The following ASIP variants were observed in gnomAD, a reference collection of about 807,000 sequenced individuals.
ASIP encodes the protein agouti signaling protein.
In ASIP, 11 loss-of-function variants were observed where a neutral mutation model predicts 10.3. The observed-to-expected ratio is 1.07, with a 90% CI of 0.68 to 1.78. ASIP has a LOEUF of 1.78. ASIP is among the 40% of genes most tolerant of loss of function. ASIP has a pLI of 0.00. For missense variants in ASIP, 180 were observed against 169.2 expected, an observed-to-expected ratio of 1.06 and a Z score of -0.35; for synonymous variants, 70 against 70.8, an observed-to-expected ratio of 0.99 and a Z score of 0.06.
intron 1 of ASIP, among the ~76,000 whole-genome samples, chr20:34,209,694 G>A (rs2034960626): frequency 6.6e-6 from 1 of 152,174 alleles, no homozygotes; most frequent in Non-Finnish European, 1.5e-5. Context: ...CTGCTGCCTT[G>A]GGCCCCTCTG....
At chr20:34,206,345 C>T (rs2034936793) in intron 1 of ASIP, among the ~76,000 whole-genome samples, 1 of 152,138 alleles carries the variant, frequency 6.6e-6, no homozygotes, top group South Asian at 2.1e-4. Context: ...ATATCTTCCT[C>T]CCTACTACCC....
chr20:34,259,421 G>A (rs985088581), intron 1 of ASIP, among the ~76,000 whole-genome samples: 9 of 151,892 alleles, frequency 5.9e-5, no homozygotes, highest in South Asian at 2.1e-4. Context: ...GCTGAGGCAC[G>A]AGAATCTCTT....
chr20:34,262,988 A>T, intron 3 of ASIP, 95 bp downstream of exon 3: 1 of 1,406,040 alleles, frequency 7.1e-7, no homozygotes, highest in South Asian at 1.2e-5. Flanking sequence ...ACTAAATGAA[A>T]GATTTTTCAG....
chr20:34,186,909 G>C, the ASIP span, among the ~76,000 whole-genome samples: 1 of 152,134 alleles, frequency 6.6e-6, no homozygotes, highest in Non-Finnish European at 1.5e-5. Flanking sequence ...CACCTCCTGG[G>C]TTCAAGCGAT....
intron 1 of ASIP, among the ~76,000 whole-genome samples, chr20:34,217,369 C>G (rs1001707543): frequency 1.3e-5 from 2 of 151,030 alleles, no homozygotes; most frequent in Admixed American, 1.3e-4. Flanking sequence ...ACCTGGGAGG[C>G]GCAGGTTGCA....
At chr20:34,239,776 C>T (rs887821261), upstream of ASIP, among the ~76,000 whole-genome samples, 6 of 152,152 alleles carry the variant, frequency 3.9e-5, no homozygotes, top group Non-Finnish European at 7.3e-5. Context: ...GAAATTGGTT[C>T]CTAGAAATAA....
intron 1 of ASIP, among the ~76,000 whole-genome samples, chr20:34,211,880 T>C (rs188057409): frequency 6.8e-4 from 104 of 152,322 alleles, no homozygotes; most frequent in Non-Finnish European, 1.2e-3. Context: ...AGGTGTACAT[T>C]TATCCTGCTT....
intron 1 of ASIP, among the ~76,000 whole-genome samples, chr20:34,244,719 T>G (rs185704302): frequency 6.6e-6 from 1 of 152,364 alleles, no homozygotes; most frequent in East Asian, 1.9e-4. Flanking sequence ...GCTTACTGTT[T>G]CAAACAGCGC....
chr20:34,217,210 G>A (rs2035014540), intron 1 of ASIP, among the ~76,000 whole-genome samples: 1 of 152,066 alleles, frequency 6.6e-6, no homozygotes, highest in Admixed American at 6.5e-5. Context: ...GGCCAAGGCA[G>A]GTGGATCACT....
chr20:34,218,807 C>T (rs1272099246), intron 1 of ASIP, among the ~76,000 whole-genome samples: 4 of 151,942 alleles, frequency 2.6e-5, no homozygotes, highest in African/African-American at 9.7e-5. Flanking sequence ...GGACTGCAGG[C>T]GCCCGCCACC....
At position 34,253,163 on chromosome 20, in the gene ASIP, A is replaced by G. The variant is rs140152434; in HGVS notation, c.-10-7202A>G. On this transcript the variant is annotated intron_variant, in intron 1 of 3. Transcript: ENST00000374954. Reference sequence around the variant, plus strand: ...CGCTCTGTTGCCCAGGCTGGAGTGCAGTGGCTCACTCAGCTCACTGCAAGC... The same window carrying G: ...CGCTCTGTTGCCCAGGCTGGAGTGCGGTGGCTCACTCAGCTCACTGCAAGC... Among the ~76,000 whole-genome samples the G allele has an allele frequency of 1.1e-3, 161 of 150,760 alleles. 1 individual carries two copies. The highest frequency in any genetic ancestry group is 3.9e-3 in the African/African-American group (159 of 40,950).
chr20:34,221,395 GAAAA>G (rs918224783), intron 1 of ASIP, among the ~76,000 whole-genome samples: 1 of 151,730 alleles, frequency 6.6e-6, no homozygotes, highest in Non-Finnish European at 1.5e-5. Context: ...GAAAAAAAAA[GAAAA>G]AGAAAGGGAA....
intron 1 of ASIP, among the ~76,000 whole-genome samples, chr20:34,223,312 C>T (rs1353575873): frequency 6.6e-6 from 1 of 151,110 alleles, no homozygotes; most frequent in Non-Finnish European, 1.5e-5. Context: ...CGCCTCTGCC[C>T]GGCCGAGACC....
rs1476760818 is a variant in ASIP, at chr20:34,215,583, T to C, written c.-11+20823T>C. 5.4e-6 allele frequency: 8 copies of C among 1,492,962 alleles called. No homozygotes were observed. The South Asian group carries it at 7.9e-5, about 15-fold the overall frequency. The allele number at this position is 1,492,962 out of a possible 1,614,324, so 92.5% of individuals were successfully genotyped here. A position where few individuals can be genotyped will look rare whatever the true frequency, so the allele number is the denominator to read the frequency against. The stretch of plus-strand genomic sequence containing the variant: ...AGCAAGGCGAGGACTTGGGCGGCTT[T>C]ATTTGGTATAAAGGTCTTCTCTGGT... On this transcript the variant is annotated intron_variant, in intron 1 of 3. Transcript: ENST00000568305.
the ASIP span, among the ~76,000 whole-genome samples, chr20:34,186,909 G>A: frequency 6.6e-6 from 1 of 152,252 alleles, no homozygotes; most frequent in Admixed American, 6.5e-5. Flanking sequence ...CACCTCCTGG[G>A]TTCAAGCGAT....
intron 1 of ASIP, among the ~76,000 whole-genome samples, chr20:34,252,103 A>T (rs922359978): frequency 6.6e-6 from 1 of 152,220 alleles, no homozygotes; most frequent in Non-Finnish European, 1.5e-5. Context: ...ATATAGTCCT[A>T]TCCTCTTATG....
intron 1 of ASIP, among the ~76,000 whole-genome samples, chr20:34,258,754 A>T (rs1255373569): frequency 1.3e-5 from 1 of 76,112 alleles, no homozygotes; most frequent in African/African-American, 1.2e-4. Context: ...ACTATATATA[A>T]TATATGATAT....
chr20:34,256,384 T>C (rs1288813183), intron 1 of ASIP, among the ~76,000 whole-genome samples: 2 of 152,204 alleles, frequency 1.3e-5, no homozygotes, highest in Non-Finnish European at 2.9e-5. Flanking sequence ...TCTTGTGTCT[T>C]TATTTCTACG....
intron 1 of ASIP, among the ~76,000 whole-genome samples, chr20:34,204,818 C>T (rs1389617925): frequency 2.0e-5 from 3 of 151,994 alleles, no homozygotes; most frequent in Non-Finnish European, 4.4e-5. Context: ...ACACTTTATT[C>T]ATTTTATTTA....
Sources: gnomAD v4.1 joint callset for allele counts (sites outside exome capture counted in the v4.1 genomes callset) on GRCh38, gnomAD v4.1.1 for gene constraint, MANE v1.5 for transcripts, NCBI Gene and HGNC (gene_info 2026-07-23, HGNC 2026-07-21) for gene names.